FAM227B: variants seen among roughly 807,000 people sequenced by gnomAD.
FAM227B encodes the protein protein FAM227B.
In FAM227B, 88 loss-of-function variants were observed where a neutral mutation model predicts 73.8. The observed-to-expected ratio is 1.19, with a 90% CI of 1.00 to 1.42. FAM227B has a LOEUF of 1.42. Among genes scored for constraint, FAM227B ranks in the 40% most tolerant of loss-of-function variants. The pLI is 0.00. For missense variants in FAM227B, 632 were observed against 590.9 expected, an observed-to-expected ratio of 1.07 and a Z score of -0.72; for synonymous variants, 210 against 190.5, an observed-to-expected ratio of 1.10 and a Z score of -0.84.
chr15:49,465,298 C>A (rs375965319), intron 11 of FAM227B, among the ~76,000 whole-genome samples: 1 of 130,516 alleles, frequency 7.7e-6, no homozygotes. Context: ...TCTGGCTTTT[C>A]TTTTTCTTTT....
At position 49,326,981 on chromosome 15, in the gene FAM227B, G is replaced by A. The variant is rs1026485159; in HGVS notation, c.*1587C>T. The A allele has an allele frequency of 2.0e-5, 3 of 152,036 alleles. No individual in the cohort carries two copies. Among genetic ancestry groups the A allele is most frequent in the African/African-American group, 4.8e-5 (2 of 41,412 alleles). The allele number at this position is 152,036 out of a possible 1,614,324, so 9.4% of individuals were successfully genotyped here. A position where few individuals can be genotyped will look rare whatever the true frequency, so the allele number is the denominator to read the frequency against. ...AAAATTGTGCTAAATTAATCATAGAGCCTTTAATCCACTAGTAATTTGGAG... is the reference window on the plus strand; with the variant it reads ...AAAATTGTGCTAAATTAATCATAGAACCTTTAATCCACTAGTAATTTGGAG... On this transcript the variant is annotated 3_prime_UTR_variant, in exon 16 of 16. Transcript: ENST00000299338.
intron 11 of FAM227B, among the ~76,000 whole-genome samples, chr15:49,507,336 C>T (rs994898065): frequency 6.6e-6 from 1 of 152,050 alleles, no homozygotes; most frequent in Non-Finnish European, 1.5e-5. Context: ...AAAGAGTAGG[C>T]TGGGTAGGTT....
In FAM227B at chr15:49,598,492, T is replaced by C. The variant is rs553607525; in HGVS notation, c.106-8485A>G. ...GGAGAACTTTCAATACCATAATGAATAGGAGTGCTGAGTGGGAATCCTTGT... is the reference window on the plus strand; with the variant it reads ...GGAGAACTTTCAATACCATAATGAACAGGAGTGCTGAGTGGGAATCCTTGT... On this transcript the variant is annotated intron_variant, in intron 3 of 15. Transcript: ENST00000299338. Among the ~76,000 whole-genome samples the C allele has an allele frequency of 5.9e-5, 9 of 152,102 alleles. No individual in the cohort carries two copies. The South Asian group carries it at 1.7e-3, about 28-fold the overall frequency.
intron 5 of FAM227B, among the ~76,000 whole-genome samples, chr15:49,586,254 T>C (rs2076155516): frequency 6.6e-6 from 1 of 152,102 alleles, no homozygotes; most frequent in Non-Finnish European, 1.5e-5. Context: ...AACTACCTGA[T>C]CTTTGATAAA....
chr15:49,343,132 T>C (rs2151242734), intron 13 of FAM227B, among the ~76,000 whole-genome samples: 1 of 152,330 alleles, frequency 6.6e-6, no homozygotes, highest in East Asian at 1.9e-4. Flanking sequence ...CTGTGTTGTA[T>C]ACTTTTTCTC....
chr15:49,397,366 G>T (rs1263684553), intron 11 of FAM227B, among the ~76,000 whole-genome samples: 1 of 152,130 alleles, frequency 6.6e-6, no homozygotes, highest in Non-Finnish European at 1.5e-5. Context: ...CCAAATCTAC[G>T]TCTGACTGGT....
intron 13 of FAM227B, among the ~76,000 whole-genome samples, chr15:49,340,317 G>A (rs1371491304): frequency 6.6e-6 from 1 of 152,054 alleles, no homozygotes; most frequent in Non-Finnish European, 1.5e-5. Flanking sequence ...CTGGGCTGGA[G>A]TACACGGTAC....
chr15:49,338,069 G>C (rs186306586), intron 13 of FAM227B, among the ~76,000 whole-genome samples: 1 of 152,170 alleles, frequency 6.6e-6, no homozygotes, highest in Non-Finnish European at 1.5e-5. Flanking sequence ...AGAGCCTTGA[G>C]GAATTGCCAC....
At chr15:49,364,838 G>A (rs1257060849) in intron 13 of FAM227B, among the ~76,000 whole-genome samples, 1 of 151,698 alleles carries the variant, frequency 6.6e-6, no homozygotes, top group African/African-American at 2.4e-5. Flanking sequence ...AAAAGCATAG[G>A]GATGGGTCAA....
At chr15:49,424,350 G>C (rs1244218733) in intron 11 of FAM227B, 1 of 1,613,506 alleles carries the variant, frequency 6.2e-7, no homozygotes, top group Non-Finnish European at 8.5e-7. Context: ...TACAGATCAT[G>C]CTTTCACATT....
chr15:49,567,478 T>A (rs1404853861), intron 9 of FAM227B, among the ~76,000 whole-genome samples: 3 of 152,098 alleles, frequency 2.0e-5, no homozygotes, highest in Non-Finnish European at 2.9e-5. Context: ...TGTTTGTGAG[T>A]AAGATAGGTC....
intron 13 of FAM227B, chr15:49,353,390 C>T (rs1380243789): frequency 1.3e-5 from 2 of 152,114 alleles, no homozygotes; most frequent in African/African-American, 4.8e-5. Context: ...TCTTTTCAGA[C>T]AATTAGAGGA....
At chr15:49,596,197 T>C (rs2076874075) in intron 3 of FAM227B, among the ~76,000 whole-genome samples, 2 of 151,924 alleles carry the variant, frequency 1.3e-5, no homozygotes, top group Non-Finnish European at 2.9e-5. Context: ...GTAAAGAATT[T>C]TAAGAGCTAT....
intron 11 of FAM227B, among the ~76,000 whole-genome samples, chr15:49,405,196 T>C (rs996470817): frequency 1.3e-5 from 2 of 152,200 alleles, no homozygotes; most frequent in Non-Finnish European, 2.9e-5. Flanking sequence ...TTTTCTTTCA[T>C]TTCAACCTTA....
intron 9 of FAM227B, among the ~76,000 whole-genome samples, chr15:49,564,506 A>G (rs2074488318): frequency 1.3e-5 from 2 of 152,232 alleles, no homozygotes; most frequent in Non-Finnish European, 2.9e-5. Flanking sequence ...CCAAAGGAAA[A>G]TAAGTCGTTC....
chr15:49,541,149 A>G (rs908129044), intron 10 of FAM227B, among the ~76,000 whole-genome samples: 2 of 152,216 alleles, frequency 1.3e-5, no homozygotes, highest in South Asian at 4.1e-4. Context: ...CTATATTTCT[A>G]TACCTTAGTT....
chr15:49,422,580 T>C (rs1597087841), intron 11 of FAM227B: 20 of 1,284,962 alleles, frequency 1.6e-5, no homozygotes, highest in Middle Eastern at 3.7e-4. Flanking sequence ...TAAAGCACCA[T>C]AGAGGCATTA....
chr15:49,348,651 C>T (rs568366034), intron 13 of FAM227B, among the ~76,000 whole-genome samples: 1 of 152,230 alleles, frequency 6.6e-6, no homozygotes, highest in East Asian at 1.9e-4. Flanking sequence ...CCTTTGTCTG[C>T]CCACCTCCTA....
intron 9 of FAM227B, among the ~76,000 whole-genome samples, chr15:49,557,318 G>GT (rs1166334432): frequency 2.0e-5 from 3 of 152,134 alleles, no homozygotes; most frequent in African/African-American, 7.2e-5. Context: ...ACATAAACAA[G>GT]TAAGAGTTGA....
Sources: gnomAD v4.1 joint callset for allele counts (sites outside exome capture counted in the v4.1 genomes callset) on GRCh38, gnomAD v4.1.1 for gene constraint, MANE v1.5 for transcripts, NCBI Gene and HGNC (gene_info 2026-07-23, HGNC 2026-07-21) for gene names.